KLF4: variants seen among roughly 807,000 people sequenced by gnomAD.
KLF4 encodes the protein KLF transcription factor 4.
In KLF4, 14 loss-of-function variants were observed where a neutral mutation model predicts 38.0. The observed-to-expected ratio is 0.37, with a 90% CI of 0.24 to 0.58. The LOEUF is 0.58. Among genes scored for constraint, KLF4 ranks in the 20% least tolerant of loss-of-function variants. The pLI, the probability that KLF4 is intolerant of heterozygous loss-of-function variation, is 0.76. For synonymous variants in KLF4, 398 were observed against 302.5 expected (o/e 1.32, Z -3.28); for missense variants, 737 against 670.1 (o/e 1.10, Z -1.10).
Position 107,485,774 on chromosome 9 carries a change from A to G in KLF4, c.1417T>C (p.Leu473=). Residue 473 remains leucine (L), a synonymous_variant, in exon 5 of 5, where the codon TTA becomes CTA. Transcript: ENST00000374672. The surrounding 1 kb of genome is among the most constrained non-coding windows in gnomAD (Gnocchi z 4.9). ...RAFSRSDHLA[L]HMKRHF is the part of the protein sequence containing the mutation. ...ATTTAAAAATGCCTCTTCATGTGTA[A>G]GGCGAGGTGGTCCGACCTGGAAAAT... The G allele has an allele frequency of 1.3e-6, 2 of 1,556,604 alleles. No homozygotes were observed. The highest frequency in any genetic ancestry group is 1.7e-6 in the Non-Finnish European group (2 of 1,152,048).
intron 4 of KLF4, among the ~76,000 whole-genome samples, chr9:107,486,463 T>C (rs1414558176): frequency 6.6e-6 from 1 of 151,970 alleles, no homozygotes; most frequent in East Asian, 1.9e-4. Context: ...CCCAGCAATT[T>C]TGACCATCAT....
rs150375845 is a variant in KLF4, at chr9:107,488,053, G to T, written c.341C>A (p.Thr114Asn). 879 of 1,612,638 alleles carry T rather than the reference G, an allele frequency of 5.5e-4. 1 individual carries two copies. Among genetic ancestry groups the T allele is most frequent in the Non-Finnish European group, 6.7e-4 (792 of 1,179,688 alleles). ...GGCGGCCACTGACTCCGGAGGATGG[G>T]TCAGCGAATTGGAGAGAATAAAGTC... ...DLDFILSNSL[T>N]HPPESVAATV... The change falls in exon 3 of 5, where the codon ACC becomes AAC. Residue 114 changes from threonine (T) to asparagine (N), a missense_variant. By Grantham distance (65) the Thr-to-Asn change is moderately conservative. Around this residue, in one of 2 missense-constraint regions of KLF4, gnomAD observed 695 missense variants for 554.5 expected, o/e 1.25. Transcript: ENST00000374672. This position sits in a 1 kb window ranked among gnomAD's most constrained non-coding sequence, Gnocchi z 5.7.
chr9:107,488,840 G>C lies in KLF4; in HGVS notation c.126+90C>G. On this transcript the variant is annotated intron_variant, in intron 2 of 4. Transcript: ENST00000374672. This position sits in a 1 kb window ranked among gnomAD's most constrained non-coding sequence, Gnocchi z 5.7. Reference sequence around the variant, plus strand: ...GGTGGCCGCTCCTTACCCTCGTTCAGTGGCTCTTGGTGACCCCAAGGCTCC... The same window carrying C: ...GGTGGCCGCTCCTTACCCTCGTTCACTGGCTCTTGGTGACCCCAAGGCTCC... 1 of 1,478,004 alleles carries C rather than the reference G, an allele frequency of 6.8e-7. No homozygotes were observed. The highest frequency in any genetic ancestry group is 2.2e-5 in the Admixed American group (1 of 44,890). The allele number at this position is 1,478,004 out of a possible 1,614,324, so 91.6% of individuals were successfully genotyped here.
chr9:107,489,404 G>T lies in KLF4; in HGVS notation c.-232C>A. 1 of 493,396 alleles carries T rather than the reference G, an allele frequency of 2.0e-6. No individual in the cohort carries two copies. The highest frequency in any genetic ancestry group is 3.4e-6 in the Non-Finnish European group (1 of 291,670). 30.6% of individuals were successfully genotyped at this position (493,396 alleles called of 1,614,324 possible). A position where few individuals can be genotyped will look rare whatever the true frequency, so the allele number is the denominator to read the frequency against. On this transcript the variant is annotated 5_prime_UTR_variant, in exon 1 of 5. Coordinates refer to ENST00000374672, the MANE Select transcript of KLF4 (RefSeq NM_004235.6). Reference sequence around the variant, plus strand: ...AATAGACAATCAGCAAGGCGAGTAAGTAGGTCCGGTGGCCGGGCTGCGCTC... The same window carrying T: ...AATAGACAATCAGCAAGGCGAGTAATTAGGTCCGGTGGCCGGGCTGCGCTC...
Position 107,487,112 on chromosome 9 carries a change from C to T in KLF4, c.1180G>A (p.Ala394Thr), listed in dbSNP as rs747114701. The T allele has an allele frequency of 5.0e-6, 8 of 1,614,142 alleles. No individual in the cohort carries two copies. The highest frequency in any genetic ancestry group is 1.7e-5 in the Admixed American group (1 of 60,012). ...CCCGCGTAATCACAAGTGTGGGTGG[C>T]GGTCCTTTTCCGGGGCCACGATCGT... ...GRRSWPRKRT[A>T]THTCDYAGCG... Residue 394 changes from alanine to threonine, a missense_variant, in exon 4 of 5, where the codon GCC (alanine) becomes ACC (threonine). This residue lies in a region of KLF4 where 695 missense variants were observed against 554.5 expected (regional missense o/e 1.25). Coordinates refer to ENST00000374672, the MANE Select transcript of KLF4 (RefSeq NM_004235.6). This position sits in a 1 kb window ranked among gnomAD's most constrained non-coding sequence, Gnocchi z 6.1.
Position 107,487,506 on chromosome 9 carries a change from A to G in KLF4, c.888T>C (p.Asn296=), listed in dbSNP as rs776890156. ...THLGAGPPLS[N]GHRPAAHDFP... is the part of the protein sequence containing the mutation. ...AGTCGTGTGCAGCCGGCCGGTGGCC[A>G]TTGCTGAGAGGGGGTCCAGCGCCCA... Residue 296 remains asparagine, a synonymous_variant, in exon 3 of 5, where the codon AAT becomes AAC. Coordinates refer to ENST00000374672, the MANE Select transcript of KLF4 (RefSeq NM_004235.6). This position sits in a 1 kb window ranked among gnomAD's most constrained non-coding sequence, Gnocchi z 6.1. 6.5e-7 allele frequency: 1 copy of G among 1,545,040 alleles called. No homozygotes were observed. The highest frequency in any genetic ancestry group is 1.4e-5 in the African/African-American group (1 of 72,858).
Position 107,489,405 on chromosome 9 carries a change from T to A in KLF4, c.-233A>T. ...ATAGACAATCAGCAAGGCGAGTAAG[T>A]AGGTCCGGTGGCCGGGCTGCGCTCT... is the stretch of plus-strand genomic sequence containing the variant. On this transcript the variant is annotated 5_prime_UTR_variant, in exon 1 of 5. Coordinates refer to ENST00000374672, the MANE Select transcript of KLF4 (RefSeq NM_004235.6). 2.0e-6 allele frequency: 1 copy of A among 491,422 alleles called. No homozygotes were observed. The highest frequency in any genetic ancestry group is 3.4e-6 in the Non-Finnish European group (1 of 290,502). 30.4% of individuals were successfully genotyped at this position (491,422 alleles called of 1,614,324 possible).
Position 107,488,115 on chromosome 9 carries a change from C to T in KLF4, c.279G>A (p.Arg93=). 6.2e-7 allele frequency: 1 copy of T among 1,612,896 alleles called. No homozygotes were observed. Among genetic ancestry groups the T allele is most frequent in the Non-Finnish European group, 8.5e-7 (1 of 1,179,914 alleles). The change falls in exon 3 of 5, where the codon CGG becomes CGA. Residue 93 remains arginine, a synonymous_variant. Transcript: ENST00000374672. The surrounding 1 kb of genome is among the most constrained non-coding windows in gnomAD (Gnocchi z 5.7). ...GATCGTTGAACTCCTCGGTCTCTCTCCGAGGTAGGGGCGCCAGGTTGCTAC... is the reference window on the plus strand; with the variant it reads ...GATCGTTGAACTCCTCGGTCTCTCTTCGAGGTAGGGGCGCCAGGTTGCTAC... The part of the protein sequence containing the change: ...CGGSNLAPLP[R]RETEEFNDLL...
chr9:107,489,234 G>A lies in KLF4; in HGVS notation c.-62C>T. 1 of 1,437,834 alleles carries A rather than the reference G, an allele frequency of 7.0e-7. No individual in the cohort carries two copies. Among genetic ancestry groups the A allele is most frequent in the Non-Finnish European group, 9.2e-7 (1 of 1,092,494 alleles). The allele number at this position is 1,437,834 out of a possible 1,614,324, so 89.1% of individuals were successfully genotyped here. On this transcript the variant is annotated 5_prime_UTR_variant, in exon 1 of 5. Transcript: ENST00000374672. ...GCAGCTGGGGCACCTGAACCCCAAAGTCAACGAAGAGAAGAAACGAAGCCA... is the reference window on the plus strand; with the variant it reads ...GCAGCTGGGGCACCTGAACCCCAAAATCAACGAAGAGAAGAAACGAAGCCA...
In KLF4 at chr9:107,487,528, C is replaced by T. The variant is rs760000541; in HGVS notation, c.866G>A (p.Gly289Asp). Reference protein sequence around the residue: ...QEAVSSCTHLGAGPPLSNGHR... With the variant: ...QEAVSSCTHLDAGPPLSNGHR... ...GCCATTGCTGAGAGGGGGTCCAGCG[C>T]CCAAGTGGGTGCACGAAGAGACCGC... Residue 289 changes from glycine to aspartate, a missense_variant, in exon 3 of 5, where the codon GGC becomes GAC. By Grantham distance (94) the Gly-to-Asp change is moderately conservative. This residue lies in a region of KLF4 where 695 missense variants were observed against 554.5 expected (regional missense o/e 1.25). Transcript: ENST00000374672. The surrounding 1 kb of genome is among the most constrained non-coding windows in gnomAD (Gnocchi z 6.1). 3.9e-6 allele frequency: 6 copies of T among 1,556,268 alleles called. No individual in the cohort carries two copies. In the East Asian group the frequency reaches 1.1e-4, roughly 29 times the overall value.
chr9:107,488,504 C>G lies in KLF4; in HGVS notation c.127-237G>C. ...TCCTGTCTGCCCAATTGCGTGTGAG[C>G]GAGCGCCGCGGCTGGTCCCTCCCCC... On this transcript the variant is annotated intron_variant, in intron 2 of 4. Coordinates refer to ENST00000374672, the MANE Select transcript of KLF4 (RefSeq NM_004235.6). The surrounding 1 kb of genome is among the most constrained non-coding windows in gnomAD (Gnocchi z 5.7). 4.4e-6 allele frequency: 3 copies of G among 675,838 alleles called. No homozygotes were observed. The highest frequency in any genetic ancestry group is 7.0e-6 in the Non-Finnish European group (3 of 430,704). 41.9% of individuals were successfully genotyped at this position (675,838 alleles called of 1,614,324 possible).
chr9:107,487,270 C>T lies in KLF4; in HGVS notation c.1099+25G>A. On this transcript the variant is annotated intron_variant, in intron 3 of 4. Coordinates refer to ENST00000374672, the MANE Select transcript of KLF4 (RefSeq NM_004235.6). This position sits in a 1 kb window ranked among gnomAD's most constrained non-coding sequence, Gnocchi z 6.1. ...CCAGCACACACAGGGCTCCCCAGCCCGAGCTACAAATCCCCGGGACTGACC... is the reference window on the plus strand; with the variant it reads ...CCAGCACACACAGGGCTCCCCAGCCTGAGCTACAAATCCCCGGGACTGACC... 1.3e-6 allele frequency: 2 copies of T among 1,595,986 alleles called. No individual in the cohort carries two copies. The highest frequency in any genetic ancestry group is 1.7e-6 in the Non-Finnish European group (2 of 1,170,314).
intron 4 of KLF4, 101 bp from the exon 5 acceptor site, chr9:107,486,027 T>TC (rs1829057503): frequency 5.0e-6 from 5 of 1,009,712 alleles, no homozygotes; most frequent in African/African-American, 3.3e-5. Flanking sequence ...TCTGACCCTA[T>TC]CCTAAAGAAA....
rs1270197412 is a variant in KLF4 at position 107,485,247 on chromosome 9, G to C, written c.*504C>G. 4.7e-6 allele frequency: 1 copy of C among 212,004 alleles called. No homozygotes were observed. The highest frequency in any genetic ancestry group is 2.3e-5 in the African/African-American group (1 of 44,190). 13.1% of individuals were successfully genotyped at this position (212,004 alleles called of 1,614,324 possible). A position where few individuals can be genotyped will look rare whatever the true frequency, so the allele number is the denominator to read the frequency against. On this transcript the variant is annotated 3_prime_UTR_variant, in exon 5 of 5. Coordinates refer to ENST00000374672, the MANE Select transcript of KLF4 (RefSeq NM_004235.6). This position sits in a 1 kb window ranked among gnomAD's most constrained non-coding sequence, Gnocchi z 4.9. ...TTGGCTTCCTTGTTTGGTACCTTTAGAACCAAGACTCACCAAGCACCATCA... is the reference window on the plus strand; with the variant it reads ...TTGGCTTCCTTGTTTGGTACCTTTACAACCAAGACTCACCAAGCACCATCA...
rs1829135480 is a variant in KLF4, at chr9:107,488,711, G to A, written c.126+219C>T. Among the ~76,000 whole-genome samples the A allele has an allele frequency of 6.6e-6, 1 of 152,194 alleles. No homozygotes were observed. The highest frequency in any genetic ancestry group is 2.1e-4 in the South Asian group (1 of 4,832). On this transcript the variant is annotated intron_variant, in intron 2 of 4. Coordinates refer to ENST00000374672, the MANE Select transcript of KLF4 (RefSeq NM_004235.6). This position sits in a 1 kb window ranked among gnomAD's most constrained non-coding sequence, Gnocchi z 5.7. ...GACAGCGCGCCCGGGGACTGGTGAA[G>A]ACCCGGCTTGCGCCCCAGGCGGCTC...
chr9:107,486,802 G>C (rs899043767), intron 4 of KLF4, among the ~76,000 whole-genome samples: 4 of 152,012 alleles, frequency 2.6e-5, no homozygotes, highest in Non-Finnish European at 5.9e-5. Flanking sequence ...CAAGCAAAAG[G>C]CTCCTGGGCA....
In KLF4 at chr9:107,488,302, T is replaced by C. The variant is rs1829125137; in HGVS notation, c.127-35A>G. 6.5e-7 allele frequency: 1 copy of C among 1,534,336 alleles called. No individual in the cohort carries two copies. Reference sequence around the variant, plus strand: ...CAGGGCGGGAGAGACCTGTCAGTGGTGGTCCCCTGTTGCCACCCGACATAC... The same window carrying C: ...CAGGGCGGGAGAGACCTGTCAGTGGCGGTCCCCTGTTGCCACCCGACATAC... On this transcript the variant is annotated intron_variant, in intron 2 of 4. Coordinates refer to ENST00000374672, the MANE Select transcript of KLF4 (RefSeq NM_004235.6). The surrounding 1 kb of genome is among the most constrained non-coding windows in gnomAD (Gnocchi z 5.7).
rs1175424495 is a variant in KLF4, at chr9:107,489,253, G to A, written c.-81C>T. ...CCCAAAGTCAACGAAGAGAAGAAAC[G>A]AAGCCAAAACCCAAAACCCCAAATT... On this transcript the variant is annotated 5_prime_UTR_variant, in exon 1 of 5. Coordinates refer to ENST00000374672, the MANE Select transcript of KLF4 (RefSeq NM_004235.6). 16 of 1,422,982 alleles carry A rather than the reference G, an allele frequency of 1.1e-5. No homozygotes were observed. Among genetic ancestry groups the A allele is most frequent in the Non-Finnish European group, 1.5e-5 (16 of 1,085,840 alleles). 88.1% of individuals were successfully genotyped at this position (1,422,982 alleles called of 1,614,324 possible).
Position 107,487,706 on chromosome 9 carries a change from C to A in KLF4, c.688G>T (p.Val230Leu), listed in dbSNP as rs761227222. Residue 230 changes from valine (V) to leucine (L), a missense_variant, in exon 3 of 5, where the codon GTG becomes TTG. Physicochemically the swap from Val to Leu is conservative, Grantham distance 32. Coordinates refer to ENST00000374672, the MANE Select transcript of KLF4 (RefSeq NM_004235.6). This position sits in a 1 kb window ranked among gnomAD's most constrained non-coding sequence, Gnocchi z 6.1. ...PPGGGLMGKF[V>L]LKASLSAPGS... ...GGGGCGCTCAGCGACGCCTTCAGCA[C>A]GAACTTGCCCATCAGCCCGCCACCT... 2 of 1,604,246 alleles carry A rather than the reference C, an allele frequency of 1.2e-6. No homozygotes were observed. The highest frequency in any genetic ancestry group is 2.2e-5 in the East Asian group (1 of 44,560).
Sources: allele counts gnomAD v4.1 joint callset (sites outside exome capture counted in the v4.1 genomes callset), GRCh38; gene constraint gnomAD v4.1.1; regional missense constraint gnomAD v4.1.1; non-coding constraint Gnocchi (gnomAD v3.1); transcripts MANE v1.5; gene names NCBI Gene and HGNC (gene_info 2026-07-23, HGNC 2026-07-21).